The following CPED1 variants were observed in gnomAD, a reference collection of about 807,000 sequenced individuals.
The protein encoded by CPED1 is cadherin like and PC-esterase domain containing 1.
A neutral mutation model predicts 128.2 loss-of-function variants in CPED1; 114 were observed. The ratio of observed to expected loss-of-function variants is 0.89; its 90% CI spans 0.76 to 1.04. The LOEUF (loss-of-function observed/expected upper bound fraction) is 1.04, where lower values mean the gene tolerates loss of function less well. CPED1 is among the 50% of genes least tolerant of loss of function. The pLI is 0.00. For synonymous variants in CPED1, 462 were observed against 426.7 expected (o/e 1.08, Z -1.02); for missense variants, 1,211 against 1,207.1 (o/e 1.00, Z -0.05).
intron 7 of CPED1, among the ~76,000 whole-genome samples, chr7:121,109,566 T>C (rs1037839455): frequency 1.3e-5 from 2 of 152,180 alleles, no homozygotes; most frequent in African/African-American, 2.4e-5. Flanking sequence ...ATTTGGTCTC[T>C]AGTTTTCCGG....
At chr7:121,026,827 C>CTTTTT (rs71170219) in intron 3 of CPED1, among the ~76,000 whole-genome samples, 41 of 83,444 alleles carry the variant, frequency 4.9e-4, no homozygotes, top group East Asian at 3.5e-3. Context: ...CCTGTCAGTT[C>CTTTTT]TTTTTTTTTT....
chr7:121,232,873 G>C (rs1798169705), intron 16 of CPED1, among the ~76,000 whole-genome samples: 2 of 152,060 alleles, frequency 1.3e-5, no homozygotes, highest in Non-Finnish European at 1.5e-5. Flanking sequence ...ATTCCATGGG[G>C]TCAATAGAAG....
chr7:121,128,450 C>T lies in CPED1; in HGVS notation c.1371C>T (p.Phe457=), dbSNP rs1412457081. ...SLEEINSIMT[F]IKELGSLGQF... is the part of the protein sequence containing the mutation. ...AAGAAATTAACTCAATTATGACTTTCATAAAGGAACTTGGAAGTCTGGGAC... is the reference window on the plus strand; with the variant it reads ...AAGAAATTAACTCAATTATGACTTTTATAAAGGAACTTGGAAGTCTGGGAC... Residue 457 remains phenylalanine, a synonymous_variant, in exon 11 of 23, where the codon TTC becomes TTT. Coordinates refer to ENST00000310396, the MANE Select transcript of CPED1 (RefSeq NM_024913.5). 3 of 1,599,848 alleles carry T rather than the reference C, an allele frequency of 1.9e-6. No homozygotes were observed. Among genetic ancestry groups the T allele is most frequent in the Non-Finnish European group, 2.6e-6 (3 of 1,167,398 alleles).
At position 121,048,796 on chromosome 7, in the gene CPED1, C is replaced by T. The variant is rs1287800839; in HGVS notation, c.540+1803C>T. On this transcript the variant is annotated intron_variant, in intron 4 of 22. Transcript: ENST00000310396. ...TCATGTGATCTACCTGCCTCGGCCT[C>T]CCAAAGTTCTGGGATTACAGGCCTA... is the stretch of plus-strand genomic sequence containing the variant. 8.5e-5 allele frequency among the ~76,000 whole-genome samples: 13 copies of T among 152,328 alleles called. No individual in the cohort carries two copies. In the East Asian group the frequency reaches 2.5e-3, roughly 29 times the overall value.
chr7:121,052,961 C>T (rs745857578), intron 4 of CPED1, among the ~76,000 whole-genome samples: 22 of 152,032 alleles, frequency 1.4e-4, no homozygotes, highest in Non-Finnish European at 1.9e-4. Context: ...TCAAGTGATC[C>T]GCCCACCTTG....
chr7:121,266,875 A>T, intron 20 of CPED1, 67 bp downstream of exon 20: 1 of 1,059,012 alleles, frequency 9.4e-7, no homozygotes, highest in Non-Finnish European at 1.5e-6. Flanking sequence ...GATGTGACTG[A>T]GTTTTATCCA....
chr7:121,130,075 T>C (rs1795624160), intron 11 of CPED1, 50 bp from the exon 12 acceptor site: 1 of 1,393,692 alleles, frequency 7.2e-7, no homozygotes, highest in Non-Finnish European at 1.0e-6. Flanking sequence ...ATAGTAATAC[T>C]ACATTATAAT....
chr7:121,117,140 A>G (rs980562163), intron 7 of CPED1, among the ~76,000 whole-genome samples: 2 of 144,294 alleles, frequency 1.4e-5, no homozygotes, highest in Non-Finnish European at 3.0e-5. Context: ...TCGCTCTGTC[A>G]CCCAGGCTGG....
At chr7:121,190,385 CTG>C in intron 16 of CPED1, among the ~76,000 whole-genome samples, 1 of 96,986 alleles carries the variant, frequency 1.0e-5, no homozygotes, top group Non-Finnish European at 1.9e-5. Flanking sequence ...GAGCGAGACT[CTG>C]TATCAAAAAA....
rs181515171 is a variant in CPED1, at chr7:121,070,140, A to C, written c.616+5827A>C. Reference sequence around the variant, plus strand: ...CAGAGCTTTAAAAATTATAGATACTATTTACTACCAAATATAAAATATATC... The same window carrying C: ...CAGAGCTTTAAAAATTATAGATACTCTTTACTACCAAATATAAAATATATC... On this transcript the variant is annotated intron_variant, in intron 5 of 22. Transcript: ENST00000310396. Among the ~76,000 whole-genome samples the C allele has an allele frequency of 1.7e-3, 252 of 150,694 alleles. 1 individual carries two copies. Among genetic ancestry groups the C allele is most frequent in the African/African-American group, 5.6e-3 (232 of 41,276 alleles).
At chr7:121,068,725 T>C (rs1793918257) in intron 5 of CPED1, among the ~76,000 whole-genome samples, 1 of 151,294 alleles carries the variant, frequency 6.6e-6, no homozygotes, top group Non-Finnish European at 1.5e-5. Flanking sequence ...ATTTTCACAA[T>C]ATTGATTCTT....
At chr7:121,156,672 C>T (rs1315659475) in intron 16 of CPED1, among the ~76,000 whole-genome samples, 1 of 149,094 alleles carries the variant, frequency 6.7e-6, no homozygotes, top group East Asian at 2.1e-4. Context: ...TGATGGTTAC[C>T]AGAAGCCAGA....
At chr7:121,292,995 G>A (rs916571773) in intron 22 of CPED1, among the ~76,000 whole-genome samples, 1 of 152,122 alleles carries the variant, frequency 6.6e-6, no homozygotes, top group South Asian at 2.1e-4. Context: ...GAGGCACGGG[G>A]GTCAGGAACC....
chr7:121,072,091 A>G (rs767174979), intron 5 of CPED1, among the ~76,000 whole-genome samples: 1 of 151,546 alleles, frequency 6.6e-6, no homozygotes, highest in Non-Finnish European at 1.5e-5. Context: ...GGACCATTTA[A>G]TCTGTCAGCT....
intron 16 of CPED1, among the ~76,000 whole-genome samples, chr7:121,164,366 G>A (rs551547638): frequency 6.6e-6 from 1 of 152,288 alleles, no homozygotes; most frequent in East Asian, 1.9e-4. Flanking sequence ...TCCCCTCCCC[G>A]AAAGACAGTA....
At chr7:121,135,564 G>T (rs1795766437) in intron 13 of CPED1, among the ~76,000 whole-genome samples, 1 of 151,902 alleles carries the variant, frequency 6.6e-6, no homozygotes, top group African/African-American at 2.4e-5. Context: ...TTGCCCACCA[G>T]TTTTTTCCTC....
intron 22 of CPED1, among the ~76,000 whole-genome samples, chr7:121,277,176 C>A (rs571066643): frequency 6.6e-6 from 1 of 152,162 alleles, no homozygotes; most frequent in South Asian, 2.1e-4. Context: ...TGGGAAGAAT[C>A]AAAGATGACT....
At chr7:121,021,740 A>G (rs1214523753) in intron 3 of CPED1, among the ~76,000 whole-genome samples, 1 of 151,954 alleles carries the variant, frequency 6.6e-6, no homozygotes, top group Non-Finnish European at 1.5e-5. Flanking sequence ...CTCATCTACA[A>G]GTTGATCCTT....
intron 16 of CPED1, among the ~76,000 whole-genome samples, chr7:121,216,387 T>C (rs1797761343): frequency 6.6e-6 from 1 of 152,048 alleles, no homozygotes; most frequent in African/African-American, 2.4e-5. Context: ...TCTACTCACA[T>C]TCTGTTATTC....
Sources: allele counts gnomAD v4.1 joint callset (sites outside exome capture counted in the v4.1 genomes callset), GRCh38; gene constraint gnomAD v4.1.1; transcripts MANE v1.5; gene names NCBI Gene and HGNC (gene_info 2026-07-23, HGNC 2026-07-21).